Variants in CDC27 observed in about 807,000 individuals in gnomAD.
CDC27 encodes the protein cell division cycle 27, also known as cell division cycle protein 27 homolog.
A neutral mutation model predicts 109.7 loss-of-function variants in CDC27; 27 were observed. That is an observed-to-expected ratio of 0.25 (90% CI 0.18 to 0.34). The LOEUF (loss-of-function observed/expected upper bound fraction) is 0.34. Ranked by LOEUF, CDC27 falls within the 10% of genes least tolerant of loss-of-function variation. CDC27 has a pLI of 1.00. For synonymous variants in CDC27, 266 were observed against 333.9 expected, an observed-to-expected ratio of 0.80 and a Z score of 2.22; for missense variants, 579 against 960.2, an observed-to-expected ratio of 0.60 and a Z score of 5.25.
At chr17:47,152,197 T>C (rs967083423) in intron 8 of CDC27, among the ~76,000 whole-genome samples, 1 of 152,174 alleles carries the variant, frequency 6.6e-6, no homozygotes, top group Admixed American at 6.5e-5. Context: ...AAGCTATTCT[T>C]TTCATCTCAT....
intron 14 of CDC27, among the ~76,000 whole-genome samples, chr17:47,133,048 CACACACATACATAT>C (rs1264675364): frequency 1.7e-5 from 1 of 60,002 alleles, no homozygotes; most frequent in African/African-American, 5.3e-5. Context: ...CACACACACA[CACACACATACATAT>C]ACACACACAC....
chr17:47,122,397 CA>C, intron 18 of CDC27, 46 bp downstream of exon 18: 1 of 1,327,670 alleles, frequency 7.5e-7, no homozygotes, highest in East Asian at 2.5e-5. Context: ...AATCCTTATG[CA>C]AAAGGTAACT....
intron 9 of CDC27, among the ~76,000 whole-genome samples, chr17:47,147,424 CAAACA>C (rs758681068): frequency 5.2e-5 from 5 of 96,794 alleles, no homozygotes; most frequent in East Asian, 2.3e-4. Context: ...AACAAACAAA[CAAACA>C]AAAAAAAAAA....
At chr17:47,148,286 A>G (rs2063042332) in intron 9 of CDC27, among the ~76,000 whole-genome samples, 1 of 152,164 alleles carries the variant, frequency 6.6e-6, no homozygotes, top group African/African-American at 2.4e-5. Context: ...ACAAAACAAA[A>G]AACCCAACAA....
At chr17:47,148,457 C>T (rs1394368953) in intron 9 of CDC27, among the ~76,000 whole-genome samples, 1 of 151,950 alleles carries the variant, frequency 6.6e-6, no homozygotes, top group Admixed American at 6.6e-5. Context: ...ATCTAATATA[C>T]AAGTACCTGG....
At chr17:47,186,913 T>G (rs1477099688) in intron 1 of CDC27, among the ~76,000 whole-genome samples, 1 of 152,210 alleles carries the variant, frequency 6.6e-6, no homozygotes, top group East Asian at 1.9e-4. Context: ...TCATAGTTTT[T>G]TTTTTAATAA....
chr17:47,183,798 T>G (rs535536109), intron 1 of CDC27, among the ~76,000 whole-genome samples: 1 of 152,314 alleles, frequency 6.6e-6, no homozygotes, highest in East Asian at 1.9e-4. Context: ...AGCAGGTGCT[T>G]ATATGTTGAA....
chr17:47,132,131 G>GT, intron 15 of CDC27, 126 bp downstream of exon 15: 1 of 573,346 alleles, frequency 1.7e-6, no homozygotes, highest in Non-Finnish European at 3.1e-6. Context: ...ATTTTTGGGT[G>GT]TAATAGGCTC....
intron 12 of CDC27, chr17:47,139,623 T>A (rs115927691): frequency 1.8e-4 from 28 of 152,324 alleles, no homozygotes; most frequent in African/African-American, 6.7e-4. Flanking sequence ...ATAAAATCTA[T>A]TTTTGAACAA....
At position 47,120,629 on chromosome 17, in the gene CDC27, A is replaced by G; in HGVS notation, c.*306T>C. The G allele has an allele frequency of 4.1e-6, 1 of 244,450 alleles. No homozygotes were observed. The highest frequency in any genetic ancestry group is 7.9e-6 in the Non-Finnish European group (1 of 126,008). The allele number at this position is 244,450 out of a possible 1,614,324, so 15.1% of individuals were successfully genotyped here. On this transcript the variant is annotated 3_prime_UTR_variant, in exon 19 of 19. Coordinates refer to ENST00000066544, the MANE Select transcript of CDC27 (RefSeq NM_001256.6). ...TCTAATGGTTCCTTCAAGATAAAGCATAACTCTTCCTTTCATGATACTTTC... is the reference window on the plus strand; with the variant it reads ...TCTAATGGTTCCTTCAAGATAAAGCGTAACTCTTCCTTTCATGATACTTTC...
intron 9 of CDC27, among the ~76,000 whole-genome samples, chr17:47,149,238 C>T (rs2063075351): frequency 1.3e-5 from 2 of 151,746 alleles, no homozygotes; most frequent in Admixed American, 1.3e-4. Context: ...AGGCCAGGTG[C>T]GGTGGGGCTC....
chr17:47,127,672 A>T lies in CDC27; in HGVS notation c.2160+1721T>A, dbSNP rs564073923. On this transcript the variant is annotated intron_variant, in intron 16 of 18. Transcript: ENST00000066544. ...CGCCCCAGCCTCCCAAAGGGCTGGG[A>T]TTACATACGTGAGCCACTGTGCCTG... Among the ~76,000 whole-genome samples the T allele has an allele frequency of 1.4e-4, 21 of 151,662 alleles. No homozygotes were observed. The South Asian group carries it at 4.4e-3, about 32-fold the overall frequency.
At chr17:47,166,091 T>C (rs923967573) in intron 4 of CDC27, among the ~76,000 whole-genome samples, 1 of 152,052 alleles carries the variant, frequency 6.6e-6, no homozygotes. Flanking sequence ...GATTTCCTAA[T>C]TTTTTTTGAA....
intron 12 of CDC27, chr17:47,140,120 A>G (rs1356313065): frequency 6.6e-6 from 1 of 152,216 alleles, no homozygotes; most frequent in Non-Finnish European, 1.5e-5. Flanking sequence ...AAGTGGTCAT[A>G]TGATATATAG....
chr17:47,167,927 T>C (rs867219616), intron 4 of CDC27, among the ~76,000 whole-genome samples: 28 of 152,128 alleles, frequency 1.8e-4, no homozygotes, highest in Non-Finnish European at 5.9e-5. Context: ...AATGCTCTAT[T>C]CAGGTTTGAT....
chr17:47,121,383 C>T (rs1310793767), intron 18 of CDC27, among the ~76,000 whole-genome samples: 1 of 152,138 alleles, frequency 6.6e-6, no homozygotes, highest in African/African-American at 2.4e-5. Flanking sequence ...CCCTGCTAGT[C>T]CACAGAAACA....
chr17:47,148,177 C>T (rs2063035602), intron 9 of CDC27, among the ~76,000 whole-genome samples: 1 of 141,026 alleles, frequency 7.1e-6, no homozygotes, highest in East Asian at 2.1e-4. Context: ...CCAGCCTGGG[C>T]AACAGAGCGA....
chr17:47,188,329 A>C (rs562956077), intron 1 of CDC27, among the ~76,000 whole-genome samples: 48 of 152,340 alleles, frequency 3.2e-4, no homozygotes, highest in African/African-American at 1.2e-3. Context: ...TTGGCACCGC[A>C]TCACACACTT....
In CDC27 at chr17:47,189,224, G is replaced by C; in HGVS notation, c.-52C>G. Reference sequence around the variant, plus strand: ...AGTGCCTCAGGCCCCCCCTGTAGCGGCTCCGGCCCGGCCAGCCCCTGCTCA... The same window carrying C: ...AGTGCCTCAGGCCCCCCCTGTAGCGCCTCCGGCCCGGCCAGCCCCTGCTCA... On this transcript the variant is annotated 5_prime_UTR_variant, in exon 1 of 19. Coordinates refer to ENST00000066544, the MANE Select transcript of CDC27 (RefSeq NM_001256.6). 1 of 1,468,696 alleles carries C rather than the reference G, an allele frequency of 6.8e-7. No individual in the cohort carries two copies. The highest frequency in any genetic ancestry group is 2.3e-5 in the East Asian group (1 of 44,214). The allele number at this position is 1,468,696 out of a possible 1,614,324, so 91.0% of individuals were successfully genotyped here. A position where few individuals can be genotyped will look rare whatever the true frequency, so the allele number is the denominator to read the frequency against.
Sources: gnomAD v4.1 joint callset for allele counts (sites outside exome capture counted in the v4.1 genomes callset) on GRCh38, gnomAD v4.1.1 for gene constraint, MANE v1.5 for transcripts, NCBI Gene and HGNC (gene_info 2026-07-23, HGNC 2026-07-21) for gene names.